EDN3: variants seen among roughly 807,000 people sequenced by gnomAD.
EDN3 encodes the protein endothelin-3.
EDN3 carries 9 observed loss-of-function variants against 21.4 expected under a neutral mutation model. The ratio of observed to expected loss-of-function variants is 0.42; its 90% confidence interval spans 0.25 to 0.73. The LOEUF (loss-of-function observed/expected upper bound fraction) is 0.73. EDN3 is among the 30% of genes least tolerant of loss of function. EDN3 has a pLI of 0.26. For missense variants in EDN3, 327 were observed against 309.4 expected (o/e 1.06, Z -0.43); for synonymous variants, 133 against 126.2 (o/e 1.05, Z -0.36).
In EDN3 at chr20:59,324,511, A is replaced by G. The variant is rs1305906995; in HGVS notation, c.*52A>G. 1.4e-5 allele frequency: 23 copies of G among 1,612,302 alleles called. No individual in the cohort carries two copies. Among genetic ancestry groups the G allele is most frequent in the Non-Finnish European group, 1.9e-5 (22 of 1,179,148 alleles). On this transcript the variant is annotated 3_prime_UTR_variant, in exon 5 of 5. Coordinates refer to ENST00000337938, the MANE Select transcript of EDN3 (RefSeq NM_207034.3). ...TCGGGAGGCTTCTGTCATTGCTCACACACAGTTCAGATTTCCACCTCTTTA... is the reference window on the plus strand; with the variant it reads ...TCGGGAGGCTTCTGTCATTGCTCACGCACAGTTCAGATTTCCACCTCTTTA...
chr20:59,321,609 G>C (rs1393583627), intron 3 of EDN3, among the ~76,000 whole-genome samples: 2 of 122,354 alleles, frequency 1.6e-5, no homozygotes, highest in African/African-American at 2.6e-5. Flanking sequence ...CTTATTGGGA[G>C]GGGGGGGAAC....
rs542558812 is a variant in EDN3 at position 59,301,795 on chromosome 20, T to C, written c.365+73T>C. The C allele has an allele frequency of 1.5e-4, 226 of 1,524,328 alleles. 1 individual carries two copies. The African/African-American group carries it at 2.9e-3, about 19-fold the overall frequency. 94.4% of individuals were successfully genotyped at this position (1,524,328 alleles called of 1,614,324 possible). ...ACATCTGCTCATTCCCAGGAGGACC[T>C]CACTCCACCCCAGCCCCGCTCAGTT... On this transcript the variant is annotated intron_variant, in intron 2 of 4. Transcript: ENST00000337938.
intron 2 of EDN3, among the ~76,000 whole-genome samples, chr20:59,306,720 TCTTGGC>T (rs572899580): frequency 1.4e-3 from 209 of 151,062 alleles, no homozygotes; most frequent in African/African-American, 5.0e-3. Context: ...AAGAAAGGCA[TCTTGGC>T]ATGGTCTCAA....
intron 2 of EDN3, among the ~76,000 whole-genome samples, chr20:59,320,768 C>T (rs945733436): frequency 6.6e-6 from 1 of 152,204 alleles, no homozygotes. Flanking sequence ...TGGCTGCTGC[C>T]CAGCTACCCA....
intron 2 of EDN3, among the ~76,000 whole-genome samples, chr20:59,319,266 G>A (rs892449193): frequency 2.0e-5 from 3 of 151,972 alleles, no homozygotes; most frequent in East Asian, 3.9e-4. Flanking sequence ...TTAGGCTCTT[G>A]TGTTCAACCC....
chr20:59,317,199 C>T (rs545816450), intron 2 of EDN3, among the ~76,000 whole-genome samples: 42 of 152,288 alleles, frequency 2.8e-4, no homozygotes, highest in African/African-American at 9.1e-4. Context: ...GATATGAGTA[C>T]GTTATCACTA....
intron 1 of EDN3, 89 bp from the exon 2 acceptor site, chr20:59,301,321 C>T: frequency 1.0e-5 from 15 of 1,489,424 alleles, no homozygotes; most frequent in Non-Finnish European, 1.4e-5. Flanking sequence ...ATTTTGCTTG[C>T]TCCACCCCCC....
At chr20:59,313,277 C>A (rs887548578) in intron 2 of EDN3, among the ~76,000 whole-genome samples, 1 of 152,026 alleles carries the variant, frequency 6.6e-6, no homozygotes, top group Non-Finnish European at 1.5e-5. Context: ...TGTCAGCTGC[C>A]CTGGATGGAG....
At chr20:59,323,218 A>C (rs1193834100) in intron 4 of EDN3, among the ~76,000 whole-genome samples, 1 of 152,098 alleles carries the variant, frequency 6.6e-6, no homozygotes, top group East Asian at 1.9e-4. Context: ...AGCAACCATA[A>C]TAAAAATGGA....
rs1432006140 is a variant in EDN3 at position 59,324,333 on chromosome 20, T to A, written c.591T>A (p.Val197=). ...EKTDKEEEGK[V]EVKDQQSKQA... The stretch of plus-strand genomic sequence containing the variant: ...TTTGCCCCCTTTCCCCAAGACAGGT[T>A]GAAGTCAAGGACCAACAAAGCAAGC... Residue 197 remains valine, a splice_region_variant and synonymous_variant, in exon 5 of 5, where the codon GTT becomes GTA. Transcript: ENST00000337938. 1 of 1,614,122 alleles carries A rather than the reference T, an allele frequency of 6.2e-7. No individual in the cohort carries two copies. Among genetic ancestry groups the A allele is most frequent in the South Asian group, 1.1e-5 (1 of 91,076 alleles).
intron 2 of EDN3, among the ~76,000 whole-genome samples, chr20:59,319,458 A>T (rs1383994445): frequency 6.6e-6 from 1 of 152,206 alleles, no homozygotes; most frequent in African/African-American, 2.4e-5. Flanking sequence ...CACACCTGTA[A>T]TCCAGCACTT....
rs1209759281 is a variant in EDN3 at position 59,321,089 on chromosome 20, A to G, written c.438A>G (p.Pro146=). 6.2e-7 allele frequency: 1 copy of G among 1,614,202 alleles called. No individual in the cohort carries two copies. Among genetic ancestry groups the G allele is most frequent in the Non-Finnish European group, 8.5e-7 (1 of 1,180,030 alleles). ...GCAAGAGGTCTGCGGGGCCACTTCC[A>G]GGGAATCTGCAGCTCTCACATCGGC... ...FRGKRSAGPL[P]GNLQLSHRPH... Residue 146 remains proline, a synonymous_variant, in exon 3 of 5, where the codon CCA becomes CCG. Transcript: ENST00000337938.
At chr20:59,319,944 T>C (rs749303181) in intron 2 of EDN3, among the ~76,000 whole-genome samples, 27 of 152,140 alleles carry the variant, frequency 1.8e-4, no homozygotes, top group Non-Finnish European at 3.7e-4. Flanking sequence ...AGTAATTTGT[T>C]CCTCAAATCA....
At chr20:59,320,231 CG>C (rs1990443184) in intron 2 of EDN3, among the ~76,000 whole-genome samples, 1 of 152,256 alleles carries the variant, frequency 6.6e-6, no homozygotes, top group African/African-American at 2.4e-5. Flanking sequence ...TCAGAGGTCA[CG>C]GAGTGTTCCT....
At chr20:59,319,731 A>G (rs1990405349) in intron 2 of EDN3, among the ~76,000 whole-genome samples, 1 of 151,196 alleles carries the variant, frequency 6.6e-6, no homozygotes, top group Admixed American at 6.6e-5. Context: ...TGTCTCAAAA[A>G]AAAAAAAAAA....
chr20:59,313,649 GACTTCCC>G (rs1272103020), intron 2 of EDN3, among the ~76,000 whole-genome samples: 1 of 152,178 alleles, frequency 6.6e-6, no homozygotes, highest in Non-Finnish European at 1.5e-5. Flanking sequence ...GCGGGAGATG[GACTTCCC>G]ACCTTGTGGG....
At position 59,310,079 on chromosome 20, in the gene EDN3, C is replaced by A. The variant is rs11570296; in HGVS notation, c.365+8357C>A. ...AGGCACATGAAAGGCTCTGATGTGT[C>A]TGGTCATGTTTGTTCCTGCAAGAAT... is the stretch of plus-strand genomic sequence containing the variant. On this transcript the variant is annotated intron_variant, in intron 2 of 4. Transcript: ENST00000337938. Among the ~76,000 whole-genome samples the A allele has an allele frequency of 3.8e-3, 578 of 152,288 alleles. 30 individuals are homozygous for A. In the East Asian group the frequency reaches 0.088, roughly 23 times the overall value.
intron 2 of EDN3, among the ~76,000 whole-genome samples, chr20:59,317,532 A>T (rs1262139201): frequency 6.6e-6 from 1 of 152,208 alleles, no homozygotes; most frequent in African/African-American, 2.4e-5. Context: ...ATCATGTAAC[A>T]TAAGAGCAGT....
chr20:59,324,233 G>T, intron 4 of EDN3, 98 bp from the exon 5 acceptor site: 1 of 1,481,086 alleles, frequency 6.8e-7, no homozygotes. Flanking sequence ...GAGAGGCAGT[G>T]GGAAGACGTT....
Sources: gnomAD v4.1 joint callset for allele counts (sites outside exome capture counted in the v4.1 genomes callset) on GRCh38, gnomAD v4.1.1 for gene constraint, MANE v1.5 for transcripts, NCBI Gene and HGNC (gene_info 2026-07-23, HGNC 2026-07-21) for gene names.